Variants in CSMD1 observed in about 807,000 individuals in gnomAD.
CSMD1 encodes the protein CUB and sushi domain-containing protein 1.
In CSMD1, 213 loss-of-function variants were observed where a neutral mutation model predicts 417.5. The observed-to-expected ratio is 0.51, with a 90% CI of 0.46 to 0.57. The LOEUF (loss-of-function observed/expected upper bound fraction) is 0.57. Among genes scored for constraint, CSMD1 ranks in the 20% least tolerant of loss-of-function variants. The pLI, the probability that CSMD1 is intolerant of heterozygous loss-of-function variation, is 0.00. For synonymous variants in CSMD1, 2,862 were observed against 1,736.8 expected (o/e 1.65, Z -16.11); for missense variants, 6,923 against 4,529.7 (o/e 1.53, Z -15.17).
intron 5 of CSMD1, among the ~76,000 whole-genome samples, chr8:3,831,576 T>C (rs971798984): frequency 1.3e-5 from 2 of 152,146 alleles, no homozygotes; most frequent in Non-Finnish European, 2.9e-5. Context: ...ACTACAGCAA[T>C]GGAATATCCC....
At chr8:4,081,429 G>A (rs1298347929) in intron 3 of CSMD1, among the ~76,000 whole-genome samples, 8 of 151,984 alleles carry the variant, frequency 5.3e-5, no homozygotes, top group Non-Finnish European at 8.8e-5. Flanking sequence ...TTTTTGCCTT[G>A]GATCACACCT....
intron 1 of CSMD1, among the ~76,000 whole-genome samples, chr8:4,973,900 T>C (rs1399026130): frequency 6.6e-6 from 1 of 152,226 alleles, no homozygotes; most frequent in Non-Finnish European, 1.5e-5. Flanking sequence ...GAAAACATTT[T>C]TCTCCAAAGT....
chr8:3,352,134 G>T (rs1329265870), intron 21 of CSMD1, among the ~76,000 whole-genome samples: 1 of 152,126 alleles, frequency 6.6e-6, no homozygotes, highest in Non-Finnish European at 1.5e-5. Flanking sequence ...CATCTCCAAA[G>T]GCCTACTGAG....
intron 8 of CSMD1, among the ~76,000 whole-genome samples, chr8:3,595,827 T>C (rs756207118): frequency 6.6e-6 from 1 of 152,192 alleles, no homozygotes; most frequent in South Asian, 2.1e-4. Flanking sequence ...CACCTATCTA[T>C]ACAAAGGCAA....
In CSMD1 at chr8:3,040,842, G is replaced by A. The variant is rs11989348; in HGVS notation, c.7661-11329C>T. Among the ~76,000 whole-genome samples, 1,314 of 152,188 alleles carry A rather than the reference G, an allele frequency of 8.6e-3. 27 individuals are homozygous for A. The highest frequency in any genetic ancestry group is 0.03 in the African/African-American group (1,243 of 41,518). ...AAGATTATAAATTAATAGATGATTT[G>A]AATGTTTTGTCGAAAATAATCTGTT... On this transcript the variant is annotated intron_variant, in intron 50 of 69. Transcript: ENST00000635120.
At chr8:4,874,892 G>T (rs1000599979) in intron 1 of CSMD1, among the ~76,000 whole-genome samples, 3 of 149,378 alleles carry the variant, frequency 2.0e-5, no homozygotes, top group Non-Finnish European at 4.4e-5. Context: ...AGAGTATAGT[G>T]TATATATAGT....
chr8:3,257,053 G>A (rs1171423462), intron 26 of CSMD1, among the ~76,000 whole-genome samples: 2 of 152,148 alleles, frequency 1.3e-5, no homozygotes, highest in South Asian at 4.2e-4. Flanking sequence ...CAGGTACAGT[G>A]GCTCATGCCT....
At chr8:3,462,631 T>C (rs1563062558) in intron 12 of CSMD1, among the ~76,000 whole-genome samples, 2 of 152,184 alleles carry the variant, frequency 1.3e-5, no homozygotes, top group Non-Finnish European at 1.5e-5. Flanking sequence ...TTCTACATTA[T>C]GGAGAGTTGT....
At chr8:4,047,558 A>G (rs943229229) in intron 3 of CSMD1, among the ~76,000 whole-genome samples, 1 of 151,456 alleles carries the variant, frequency 6.6e-6, no homozygotes, top group African/African-American at 2.4e-5. Flanking sequence ...AAATATTTAT[A>G]GAATGCAAAT....
chr8:4,775,169 T>C (rs1404868920), intron 1 of CSMD1, among the ~76,000 whole-genome samples: 3 of 152,220 alleles, frequency 2.0e-5, no homozygotes, highest in African/African-American at 4.8e-5. Flanking sequence ...AATTCTAATA[T>C]TCTCAACATC....
chr8:3,286,462 A>G (rs1277967300), intron 25 of CSMD1, among the ~76,000 whole-genome samples: 3 of 151,948 alleles, frequency 2.0e-5, no homozygotes, highest in Admixed American at 1.3e-4. Context: ...AAGTGTTCCT[A>G]TTTCTCCACA....
chr8:3,519,269 T>C (rs867978532), intron 10 of CSMD1, among the ~76,000 whole-genome samples: 1 of 152,210 alleles, frequency 6.6e-6, no homozygotes, highest in African/African-American at 2.4e-5. Context: ...ATATTTTTCT[T>C]TCTGAAAATA....
At chr8:4,512,932 G>A (rs565855977) in intron 2 of CSMD1, among the ~76,000 whole-genome samples, 7 of 152,078 alleles carry the variant, frequency 4.6e-5, no homozygotes, top group Non-Finnish European at 1.0e-4. Flanking sequence ...GATTCCAACT[G>A]TGTAATATTT....
At chr8:4,635,115 C>A (rs1389320245) in intron 2 of CSMD1, among the ~76,000 whole-genome samples, 1 of 152,042 alleles carries the variant, frequency 6.6e-6, no homozygotes, top group African/African-American at 2.4e-5. Context: ...AAAAAATTGT[C>A]GGTAACTGAG....
chr8:3,791,013 G>T (rs1026534065), intron 5 of CSMD1, among the ~76,000 whole-genome samples: 1 of 152,088 alleles, frequency 6.6e-6, no homozygotes, highest in Non-Finnish European at 1.5e-5. Context: ...ACACCTTCAG[G>T]TTATAAAGAC....
chr8:4,301,525 G>A (rs993130954), intron 3 of CSMD1, among the ~76,000 whole-genome samples: 4 of 152,168 alleles, frequency 2.6e-5, no homozygotes, highest in African/African-American at 9.6e-5. Flanking sequence ...CTTGTTTGAA[G>A]CTGATCTGGG....
At chr8:3,342,038 A>T (rs1265657775) in intron 23 of CSMD1, among the ~76,000 whole-genome samples, 1 of 152,204 alleles carries the variant, frequency 6.6e-6, no homozygotes, top group Non-Finnish European at 1.5e-5. Flanking sequence ...AAATTTTATA[A>T]TTATAGGTTG....
At chr8:4,516,913 A>G (rs866501224) in intron 2 of CSMD1, among the ~76,000 whole-genome samples, 18 of 152,246 alleles carry the variant, frequency 1.2e-4, no homozygotes, top group African/African-American at 4.3e-4. Flanking sequence ...TTATAAGAAT[A>G]TGAATCTCAT....
intron 1 of CSMD1, among the ~76,000 whole-genome samples, chr8:4,802,408 A>T (rs1167283716): frequency 1.3e-5 from 2 of 151,768 alleles, no homozygotes; most frequent in African/African-American, 2.4e-5. Flanking sequence ...CCCGTGGTTA[A>T]CTTAACTTTG....
Sources: gnomAD v4.1 joint callset for allele counts (sites outside exome capture counted in the v4.1 genomes callset) on GRCh38, gnomAD v4.1.1 for gene constraint, MANE v1.5 for transcripts, NCBI Gene and HGNC (gene_info 2026-07-23, HGNC 2026-07-21) for gene names.